GNG7: variants seen among roughly 807,000 people sequenced by gnomAD.
GNG7 encodes the protein guanine nucleotide-binding protein G(I)/G(S)/G(O) subunit gamma-7.
Under a neutral mutation model 4.0 loss-of-function variants are expected in GNG7, and 1 was observed. The ratio of observed to expected loss-of-function variants is 0.25; its 90% CI spans 0.09 to 1.18. The LOEUF is 1.18. Ranked by LOEUF, GNG7 falls within the 50% of genes most tolerant of loss-of-function variation. GNG7 has a pLI of 0.50. For missense variants in GNG7, 86 were observed against 91.9 expected, an observed-to-expected ratio of 0.94 and a Z score of 0.26; for synonymous variants, 34 against 36.9, an observed-to-expected ratio of 0.92 and a Z score of 0.29.
chr19:2,547,853 T>A (rs1979179236), intron 3 of GNG7, among the ~76,000 whole-genome samples: 1 of 152,128 alleles, frequency 6.6e-6, no homozygotes, highest in Non-Finnish European at 1.5e-5. Flanking sequence ...CTGCCCCACC[T>A]CCATCCATAG....
At chr19:2,661,271 A>AAGG (rs1331352674) in intron 1 of GNG7, among the ~76,000 whole-genome samples, 5 of 45,752 alleles carry the variant, frequency 1.1e-4, no homozygotes, top group Non-Finnish European at 1.7e-4. Context: ...GAAAGAAAGA[A>AAGG]AAGAAAGAAA....
chr19:2,538,081 A>AAAACC (rs773412187), intron 3 of GNG7: 1 of 441,916 alleles, frequency 2.3e-6, no homozygotes, highest in Non-Finnish European at 4.6e-6. Context: ...TCTCTCAAAC[A>AAAACC]AAACAAAACA....
At chr19:2,661,273 A>AAAGGAAGGAAGGAAG (rs1568277681) in intron 1 of GNG7, among the ~76,000 whole-genome samples, 20 of 48,044 alleles carry the variant, frequency 4.2e-4, no homozygotes, top group African/African-American at 8.2e-4. Context: ...AAGAAAGAAA[A>AAAGGAAGGAAGGAAG]GAAAGAAAGA....
intron 2 of GNG7, among the ~76,000 whole-genome samples, chr19:2,601,666 C>A (rs902166221): frequency 4.0e-5 from 6 of 150,672 alleles, no homozygotes; most frequent in Non-Finnish European, 8.9e-5. Flanking sequence ...TAATCCCAAG[C>A]ACGTTGGGAG....
chr19:2,541,979 G>A (rs1221049849), intron 3 of GNG7, among the ~76,000 whole-genome samples: 1 of 151,998 alleles, frequency 6.6e-6, no homozygotes, highest in Non-Finnish European at 1.5e-5. Context: ...AAGAAATGGT[G>A]CTTCTGTACC....
At chr19:2,552,372 C>T (rs1979358594) in intron 3 of GNG7, among the ~76,000 whole-genome samples, 1 of 151,904 alleles carries the variant, frequency 6.6e-6, no homozygotes, top group Admixed American at 6.6e-5. Flanking sequence ...CCAGATGGGA[C>T]CATCTAGTTT....
rs546225435 is a variant in GNG7 at position 2,635,612 on chromosome 19, T to C, written c.-78+10612A>G. Among the ~76,000 whole-genome samples, 9 of 149,742 alleles carry C rather than the reference T, an allele frequency of 6.0e-5. No individual in the cohort carries two copies. The East Asian group carries it at 1.4e-3, about 23-fold the overall frequency. ...TTTTTTTTTTTTTTGAGACGGAGTC[T>C]CGCTGTATTGCCCAGGCTGTAGTGC... On this transcript the variant is annotated intron_variant, in intron 2 of 4. Coordinates refer to ENST00000382159, the MANE Select transcript of GNG7 (RefSeq NM_052847.3).
At chr19:2,565,278 G>A (rs1226580022) in intron 2 of GNG7, among the ~76,000 whole-genome samples, 1 of 151,996 alleles carries the variant, frequency 6.6e-6, no homozygotes, top group Non-Finnish European at 1.5e-5. Flanking sequence ...TTGGGAGGCC[G>A]AGGCGGGTGG....
At chr19:2,568,500 A>T (rs1568247109) in intron 2 of GNG7, among the ~76,000 whole-genome samples, 1 of 151,744 alleles carries the variant, frequency 6.6e-6, no homozygotes, top group Non-Finnish European at 1.5e-5. Context: ...GCACATACAC[A>T]GGGTCTCTGT....
At position 2,515,101 on chromosome 19, in the gene GNG7, G is replaced by A. The variant is rs1220321632; in HGVS notation, c.128C>T (p.Ala43Val). The part of the protein sequence containing the change: ...SDLMSYCEQH[A>V]RNDPLLVGVP... ...TCCGACCAGCAGGGGGTCGTTCCGG[G>A]CATGTTGCTCACAGTAGCTCATGAG... Residue 43 changes from alanine (A) to valine (V), a missense_variant, in exon 5 of 5, where the codon GCC becomes GTC. Ala to Val is a moderately conservative substitution (Grantham distance 64, BLOSUM62 0). Transcript: ENST00000382159. 6.2e-7 allele frequency: 1 copy of A among 1,613,898 alleles called. No individual in the cohort carries two copies. Among genetic ancestry groups the A allele is most frequent in the South Asian group, 1.1e-5 (1 of 91,074 alleles).
At chr19:2,538,242 G>A (rs182368948) in intron 3 of GNG7, 406 of 456,632 alleles carry the variant, frequency 8.9e-4, no homozygotes, top group Non-Finnish European at 1.4e-3. Flanking sequence ...AAGGAAAGCC[G>A]TGCTGAGTGG....
Position 2,626,671 on chromosome 19 carries a change from A to C in GNG7, c.-78+19553T>G, listed in dbSNP as rs1982029735. ...TTCACTCTTGGGCGGTGTTGTCTTC[A>C]TCGGTTCACTCAATCAGGGTCTCAA... On this transcript the variant is annotated intron_variant, in intron 2 of 4. Coordinates refer to ENST00000382159, the MANE Select transcript of GNG7 (RefSeq NM_052847.3). The surrounding 1 kb of genome is among the most constrained non-coding windows in gnomAD (Gnocchi z 5.0). Among the ~76,000 whole-genome samples the C allele has an allele frequency of 6.6e-6, 1 of 152,114 alleles. No individual in the cohort carries two copies. The highest frequency in any genetic ancestry group is 2.4e-5 in the African/African-American group (1 of 41,404).
intron 2 of GNG7, among the ~76,000 whole-genome samples, chr19:2,562,829 G>A (rs766547785): frequency 6.6e-6 from 1 of 152,212 alleles, no homozygotes; most frequent in African/African-American, 2.4e-5. Flanking sequence ...GAGTGGGGAG[G>A]GAGAGAGGAT....
chr19:2,615,629 A>ATTTTTTTTTTTTTTTTTTTTTTTTTT (rs1195029403), intron 2 of GNG7, among the ~76,000 whole-genome samples: 2 of 149,414 alleles, frequency 1.3e-5, no homozygotes, highest in African/African-American at 2.4e-5. Context: ...CGCCTGGCTA[A>ATTTTTTTTTTTTTTTTTTTTTTTTTT]TTTTTTTGTA....
intron 2 of GNG7, among the ~76,000 whole-genome samples, chr19:2,564,378 C>T (rs375244286): frequency 3.0e-4 from 46 of 152,016 alleles, no homozygotes; most frequent in Middle Eastern, 3.4e-3. Flanking sequence ...GCCAGGAGTT[C>T]GAGACCAGCC....
chr19:2,556,716 G>C (rs1408495511), intron 2 of GNG7, among the ~76,000 whole-genome samples: 2 of 152,170 alleles, frequency 1.3e-5, no homozygotes, highest in African/African-American at 4.8e-5. Flanking sequence ...CTCAGCTGCA[G>C]GAAGGCGGTG....
chr19:2,681,191 T>G (rs889757956), intron 1 of GNG7, among the ~76,000 whole-genome samples: 1 of 151,284 alleles, frequency 6.6e-6, no homozygotes, highest in African/African-American at 2.4e-5. Context: ...TTTTTTTATT[T>G]TATTGTTTTT....
intron 2 of GNG7, among the ~76,000 whole-genome samples, chr19:2,591,453 GTT>G (rs59564767): frequency 0.36 from 44,589 of 122,560 alleles, 7,964 homozygotes; most frequent in Middle Eastern, 0.52. Flanking sequence ...AAAATAAAGG[GTT>G]TTTTTTTTTT....
intron 3 of GNG7, among the ~76,000 whole-genome samples, chr19:2,529,869 C>A (rs1028292468): frequency 2.6e-5 from 4 of 152,194 alleles, no homozygotes; most frequent in African/African-American, 9.6e-5. Flanking sequence ...CGGGCTCGCA[C>A]TCTGGCTCTG....
Sources: gnomAD v4.1 joint callset for allele counts (sites outside exome capture counted in the v4.1 genomes callset) on GRCh38, gnomAD v4.1.1 for gene constraint, Gnocchi (gnomAD v3.1) non-coding constraint, MANE v1.5 for transcripts, NCBI Gene and HGNC (gene_info 2026-07-23, HGNC 2026-07-21) for gene names.